CNTLN: variants seen among roughly 807,000 people sequenced by gnomAD.
CNTLN encodes centlein, centrosomal protein.
Under a neutral mutation model 180.0 loss-of-function variants are expected in CNTLN, and 212 were observed. The ratio of observed to expected loss-of-function variants is 1.18; its 90% CI spans 1.05 to 1.32. The LOEUF is 1.32. CNTLN is among the 40% of genes most tolerant of loss of function. The pLI, the probability that CNTLN is intolerant of heterozygous loss-of-function variation, is 0.00. For missense variants in CNTLN, 2,095 were observed against 1,610.9 expected (o/e 1.30, Z -5.14); for synonymous variants, 722 against 563.1 (o/e 1.28, Z -3.99).
intron 3 of CNTLN, among the ~76,000 whole-genome samples, chr9:17,228,061 G>C (rs1426777633): frequency 6.6e-6 from 1 of 151,952 alleles, no homozygotes; most frequent in African/African-American, 2.4e-5. Context: ...AGAAAATGTA[G>C]ATACAAGTTT....
chr9:17,466,209 C>A, intron 22 of CNTLN, 91 bp downstream of exon 22: 1 of 1,105,830 alleles, frequency 9.0e-7, no homozygotes, highest in East Asian at 2.5e-5. Flanking sequence ...CTTCCCAAAA[C>A]CACAAGCTAC....
At chr9:17,433,372 C>A (rs1423331795) in intron 18 of CNTLN, among the ~76,000 whole-genome samples, 1 of 151,672 alleles carries the variant, frequency 6.6e-6, no homozygotes, top group African/African-American at 2.4e-5. Flanking sequence ...GCAGCCTCTG[C>A]CTCCTGGGTT....
intron 12 of CNTLN, among the ~76,000 whole-genome samples, chr9:17,357,153 A>C (rs1275773055): frequency 6.6e-6 from 1 of 152,008 alleles, no homozygotes; most frequent in African/African-American, 2.4e-5. Flanking sequence ...TATTTCTTCA[A>C]GATTTATCCT....
intron 7 of CNTLN, among the ~76,000 whole-genome samples, chr9:17,305,054 A>C (rs1252496360): frequency 2.0e-5 from 3 of 152,172 alleles, no homozygotes; most frequent in African/African-American, 7.2e-5. Flanking sequence ...AAAATTGTTA[A>C]GATATATAAA....
intron 23 of CNTLN, among the ~76,000 whole-genome samples, chr9:17,481,874 A>G (rs1448156474): frequency 6.6e-6 from 1 of 152,214 alleles, no homozygotes; most frequent in Non-Finnish European, 1.5e-5. Flanking sequence ...ACCTGACAGC[A>G]AGTACTGCCT....
At chr9:17,302,912 T>C (rs1818468719) in intron 7 of CNTLN, among the ~76,000 whole-genome samples, 1 of 152,240 alleles carries the variant, frequency 6.6e-6, no homozygotes, top group African/African-American at 2.4e-5. Context: ...CAAATTATTT[T>C]AGAAATGTTT....
intron 8 of CNTLN, among the ~76,000 whole-genome samples, chr9:17,310,124 T>C (rs1435862287): frequency 2.0e-5 from 3 of 152,192 alleles, no homozygotes; most frequent in African/African-American, 7.2e-5. Context: ...TTTAGTTCTT[T>C]ATTATAATAA....
chr9:17,213,479 T>C (rs984816139), intron 2 of CNTLN, among the ~76,000 whole-genome samples: 14 of 152,210 alleles, frequency 9.2e-5, no homozygotes, highest in African/African-American at 3.1e-4. Flanking sequence ...CTTCCAACTA[T>C]GTGGTCAATT....
chr9:17,231,350 GT>G lies in CNTLN; in HGVS notation c.535-4299del, dbSNP rs903305320. 5.3e-5 allele frequency among the ~76,000 whole-genome samples: 8 copies of G among 151,034 alleles called. 1 individual carries two copies. The highest frequency in any genetic ancestry group is 9.7e-5 in the African/African-American group (4 of 41,196). On this transcript the variant is annotated intron_variant, in intron 3 of 25. Coordinates refer to ENST00000380647, the MANE Select transcript of CNTLN (RefSeq NM_017738.4). ...TACTAGAAAGTTACACACACACACAGTTTTTTTTTAGCTGTTTGCAGAAAAA... is the reference window on the plus strand; with the variant it reads ...TACTAGAAAGTTACACACACACACAGTTTTTTTTAGCTGTTTGCAGAAAAA...
chr9:17,525,906 G>T, the CNTLN span, among the ~76,000 whole-genome samples: 2 of 151,968 alleles, frequency 1.3e-5, no homozygotes, highest in Non-Finnish European at 2.9e-5. Flanking sequence ...AATGTCTTTG[G>T]ACATTTTTAT....
chr9:17,464,008 C>T (rs957496104), intron 20 of CNTLN, among the ~76,000 whole-genome samples: 9 of 151,408 alleles, frequency 5.9e-5, no homozygotes, highest in Non-Finnish European at 1.0e-4. Flanking sequence ...AGTTCATCAA[C>T]TTATGCTAAA....
chr9:17,513,210 C>T, the CNTLN span, among the ~76,000 whole-genome samples: 1 of 151,744 alleles, frequency 6.6e-6, no homozygotes, highest in African/African-American at 2.4e-5. Context: ...TCTTTTAAAC[C>T]ATCTGTGAGG....
intron 23 of CNTLN, among the ~76,000 whole-genome samples, chr9:17,469,361 A>G (rs1010442583): frequency 2.6e-5 from 4 of 151,734 alleles, no homozygotes; most frequent in Admixed American, 6.6e-5. Flanking sequence ...TATTGGTACC[A>G]TGTCTGCTGT....
intron 10 of CNTLN, among the ~76,000 whole-genome samples, chr9:17,334,010 A>G (rs1212862074): frequency 2.0e-5 from 3 of 152,156 alleles, no homozygotes; most frequent in African/African-American, 2.4e-5. Context: ...GGCACAGGAT[A>G]TTATGGGCAT....
rs544775962 is a variant in CNTLN, at chr9:17,266,040, C to T, written c.850-7693C>T. 2.9e-3 allele frequency among the ~76,000 whole-genome samples: 443 copies of T among 152,198 alleles called. 1 individual carries two copies. The highest frequency in any genetic ancestry group is 4.2e-3 in the Non-Finnish European group (287 of 68,012). The stretch of plus-strand genomic sequence containing the variant: ...GGGCTTTTTGTGTTTCTATTTCCTT[C>T]AGTTCTGCTCTGATGTTAGTTATTT... On this transcript the variant is annotated intron_variant, in intron 5 of 25. Transcript: ENST00000380647.
At chr9:17,355,856 A>C (rs901872490) in intron 12 of CNTLN, among the ~76,000 whole-genome samples, 2 of 151,808 alleles carry the variant, frequency 1.3e-5, no homozygotes, top group African/African-American at 4.8e-5. Context: ...CGAGGTTAAG[A>C]GATCGAGACC....
At chr9:17,394,385 A>C (rs1399361199) in intron 14 of CNTLN, 149 bp from the exon 15 acceptor site, 1 of 636,426 alleles carries the variant, frequency 1.6e-6, no homozygotes, top group Non-Finnish European at 2.4e-6. Context: ...ATTCATCTGC[A>C]CTGCCTTAGA....
chr9:17,326,691 A>T (rs2133082177), intron 8 of CNTLN, among the ~76,000 whole-genome samples: 1 of 152,302 alleles, frequency 6.6e-6, no homozygotes, highest in East Asian at 1.9e-4. Context: ...GTCATAAATC[A>T]TGTTGATAGC....
intron 3 of CNTLN, among the ~76,000 whole-genome samples, chr9:17,229,337 A>G (rs1824669148): frequency 6.6e-6 from 1 of 152,112 alleles, no homozygotes; most frequent in Non-Finnish European, 1.5e-5. Flanking sequence ...GGCATATGAA[A>G]TTTTAAGAGA....
Sources: gnomAD v4.1 joint callset for allele counts (sites outside exome capture counted in the v4.1 genomes callset) on GRCh38, gnomAD v4.1.1 for gene constraint, MANE v1.5 for transcripts, NCBI Gene and HGNC (gene_info 2026-07-23, HGNC 2026-07-21) for gene names.